GNB1L: variants seen among roughly 807,000 people sequenced by gnomAD.
GNB1L encodes guanine nucleotide-binding protein subunit beta-like protein 1.
Under a neutral mutation model 29.1 loss-of-function variants are expected in GNB1L, and 20 were observed. The observed-to-expected ratio is 0.69, with a 90% confidence interval of 0.48 to 1.00. The LOEUF (loss-of-function observed/expected upper bound fraction) is 1.00. GNB1L is among the 50% of genes least tolerant of loss of function. GNB1L has a pLI of 0.00. For synonymous variants in GNB1L, 193 were observed against 206.5 expected (o/e 0.93, Z 0.56); for missense variants, 421 against 464.9 (o/e 0.91, Z 0.87).
At chr22:19,833,557 C>A (rs779934536) in intron 2 of GNB1L, among the ~76,000 whole-genome samples, 1 of 151,996 alleles carries the variant, frequency 6.6e-6, no homozygotes, top group South Asian at 2.1e-4. Flanking sequence ...AGAGCAAGAC[C>A]CTGTCTCTAA....
rs1254814382 is a variant in GNB1L at position 19,784,566 on chromosome 22, G to A, written c.*4143C>T. The A allele has an allele frequency of 1.3e-5, 2 of 152,522 alleles. No individual in the cohort carries two copies. Among genetic ancestry groups the A allele is most frequent in the African/African-American group, 4.8e-5 (2 of 41,476 alleles). The allele number at this position is 152,522 out of a possible 1,614,324, so 9.4% of individuals were successfully genotyped here. ...GACCCTGTTGGCGGCGCAACGCTGG[G>A]TGAGTGCTGCCCGCCCGCGGATGGG... On this transcript the variant is annotated 3_prime_UTR_variant, in exon 8 of 8. Coordinates refer to ENST00000329517, the MANE Select transcript of GNB1L (RefSeq NM_053004.3).
At chr22:19,847,191 T>TCGTCAGAC in intron 2 of GNB1L, 2 of 985,432 alleles carry the variant, frequency 2.0e-6, no homozygotes, top group Non-Finnish European at 2.4e-6. Flanking sequence ...AGGTAGGCTG[T>TCGTCAGAC]CGTCAGCACA....
intron 6 of GNB1L, among the ~76,000 whole-genome samples, chr22:19,805,462 G>A (rs769156308): frequency 4.8e-4 from 73 of 152,234 alleles, no homozygotes; most frequent in Non-Finnish European, 8.5e-4. Context: ...GCCCAGCCCA[G>A]GGCAGTTCTC....
In GNB1L at chr22:19,816,974, TACCCACATGGAA is replaced by T. The variant is rs1008578411; in HGVS notation, c.254+3612_254+3623del. 6.6e-6 allele frequency among the ~76,000 whole-genome samples: 1 copy of T among 152,134 alleles called. No homozygotes were observed. Among genetic ancestry groups the T allele is most frequent in the Non-Finnish European group, 1.5e-5 (1 of 68,024 alleles). ...GGTGGGGGAAGGCGGGACCGCTGGG[TACCCACATGGAA>T]ACCCAGGGCCTTCACTGCACACCGT... is the stretch of plus-strand genomic sequence containing the variant. On this transcript the variant is annotated intron_variant, in intron 4 of 7. Transcript: ENST00000329517. This position sits in a 1 kb window ranked among gnomAD's most constrained non-coding sequence, Gnocchi z 4.4.
chr22:19,797,633 C>A (rs1185098027), intron 7 of GNB1L, among the ~76,000 whole-genome samples: 1 of 152,174 alleles, frequency 6.6e-6, no homozygotes, highest in Non-Finnish European at 1.5e-5. Context: ...GCCTGGGATA[C>A]CACCGCCTGC....
chr22:19,841,622 A>G (rs1431910541), intron 2 of GNB1L, among the ~76,000 whole-genome samples: 2 of 152,230 alleles, frequency 1.3e-5, no homozygotes. Context: ...AGCCTAGCCT[A>G]AAGAGACCTG....
At chr22:19,829,114 G>A (rs944079487) in intron 2 of GNB1L, among the ~76,000 whole-genome samples, 2 of 152,050 alleles carry the variant, frequency 1.3e-5, no homozygotes, top group Admixed American at 1.3e-4. Flanking sequence ...TTACAGGCAT[G>A]AGCCACCGTG....
rs555430893 is a variant in GNB1L at position 19,830,505 on chromosome 22, G to A, written c.-20-9130C>T. ...AATAAATATGAAAAACCTACATGAA[G>A]AAAATGTTAAAATTCTCTTGGAAGA... On this transcript the variant is annotated intron_variant, in intron 2 of 7. Coordinates refer to ENST00000329517, the MANE Select transcript of GNB1L (RefSeq NM_053004.3). 2.2e-4 allele frequency among the ~76,000 whole-genome samples: 34 copies of A among 152,138 alleles called. No individual in the cohort carries two copies. The South Asian group carries it at 6.0e-3, about 27-fold the overall frequency.
At chr22:19,829,650 A>G (rs1468069968) in intron 2 of GNB1L, among the ~76,000 whole-genome samples, 1 of 152,204 alleles carries the variant, frequency 6.6e-6, no homozygotes, top group Non-Finnish European at 1.5e-5. Context: ...ACAGTGATCA[A>G]GTGGAATTTA....
rs908862130 is a variant in GNB1L, at chr22:19,784,649, G to T, written c.*4060C>A. 1 of 152,278 alleles carries T rather than the reference G, an allele frequency of 6.6e-6. No homozygotes were observed. The highest frequency in any genetic ancestry group is 6.5e-5 in the Admixed American group (1 of 15,292). The allele number at this position is 152,278 out of a possible 1,614,324, so 9.4% of individuals were successfully genotyped here. A position where few individuals can be genotyped will look rare whatever the true frequency, so the allele number is the denominator to read the frequency against. On this transcript the variant is annotated 3_prime_UTR_variant, in exon 8 of 8. Transcript: ENST00000329517. ...TGCACAGAGGTCAGCACATGGTGGC[G>T]CCCACCGTCGAGAGGGGAGGCCCCT...
chr22:19,848,968 G>T, intron 2 of GNB1L: 1 of 985,602 alleles, frequency 1.0e-6, no homozygotes, highest in Non-Finnish European at 1.2e-6. Flanking sequence ...CCACAGGTGA[G>T]CCAGGCCACA....
chr22:19,820,709 A>G lies in GNB1L; in HGVS notation c.143T>C (p.Leu48Pro). ...CGTCTGCAGGCTCCAGATGTGTACC[A>G]GGCCACTCTGAGACCTGTTTCAGAC... ...PLLFSGSQSG[L>P]VHIWSLQTRR... Residue 48 changes from leucine (L) to proline (P), a missense_variant, in exon 4 of 8, where the codon CTG (leucine) becomes CCG (proline). By Grantham distance (98) the Leu-to-Pro change is moderately conservative. Coordinates refer to ENST00000329517, the MANE Select transcript of GNB1L (RefSeq NM_053004.3). 6.2e-7 allele frequency: 1 copy of G among 1,612,544 alleles called. No individual in the cohort carries two copies.
intron 2 of GNB1L, among the ~76,000 whole-genome samples, chr22:19,838,261 A>T (rs1405349247): frequency 5.3e-5 from 8 of 152,224 alleles, no homozygotes; most frequent in Admixed American, 2.0e-4. Context: ...TCAACATCAT[A>T]GCCATTAGGG....
intron 2 of GNB1L, among the ~76,000 whole-genome samples, chr22:19,823,661 CT>C (rs763927446): frequency 5.9e-5 from 9 of 152,220 alleles, no homozygotes; most frequent in Non-Finnish European, 1.0e-4. Flanking sequence ...ACAGGCTCCC[CT>C]GTGCAGTCCA....
At chr22:19,839,855 G>A (rs926995887) in intron 2 of GNB1L, among the ~76,000 whole-genome samples, 1 of 151,598 alleles carries the variant, frequency 6.6e-6, no homozygotes, top group African/African-American at 2.4e-5. Context: ...ACTCCAGCCT[G>A]GGCAACAGAG....
chr22:19,805,646 G>A (rs578055583), intron 6 of GNB1L, among the ~76,000 whole-genome samples: 3 of 152,312 alleles, frequency 2.0e-5, no homozygotes, highest in African/African-American at 4.8e-5. Context: ...GCCGGGCGTG[G>A]TGGCGGGCGC....
At chr22:19,834,769 G>C (rs148597508) in intron 2 of GNB1L, among the ~76,000 whole-genome samples, 1 of 150,984 alleles carries the variant, frequency 6.6e-6, no homozygotes, top group South Asian at 2.1e-4. Context: ...TTCAAGAGAG[G>C]ACAGGAAAGA....
chr22:19,804,098 C>T (rs183247012), intron 6 of GNB1L, among the ~76,000 whole-genome samples: 7 of 152,382 alleles, frequency 4.6e-5, no homozygotes, highest in Admixed American at 4.6e-4. Flanking sequence ...CCTGTGGTTG[C>T]CAGCCCCTGC....
chr22:19,832,392 C>T (rs1171636970), intron 2 of GNB1L, among the ~76,000 whole-genome samples: 1 of 152,102 alleles, frequency 6.6e-6, no homozygotes, highest in East Asian at 1.9e-4. Flanking sequence ...CAGCAGCCAG[C>T]CGGGTTTTGG....
Sources: allele counts gnomAD v4.1 joint callset (sites outside exome capture counted in the v4.1 genomes callset), GRCh38; gene constraint gnomAD v4.1.1; non-coding constraint Gnocchi (gnomAD v3.1); transcripts MANE v1.5; gene names NCBI Gene and HGNC (gene_info 2026-07-23, HGNC 2026-07-21).